Variants in AZIN1 observed in about 807,000 individuals in gnomAD.
The protein encoded by AZIN1 is antizyme inhibitor 1.
Under a neutral mutation model 47.4 loss-of-function variants are expected in AZIN1, and 12 were observed. That is an observed-to-expected ratio of 0.25 (90% CI 0.16 to 0.41). The LOEUF is 0.41. Ranked by LOEUF, AZIN1 falls within the 10% of genes least tolerant of loss-of-function variation. The pLI is 1.00. For missense variants in AZIN1, 410 were observed against 532.4 expected, an observed-to-expected ratio of 0.77 and a Z score of 2.26; for synonymous variants, 155 against 176.3, an observed-to-expected ratio of 0.88 and a Z score of 0.96.
intron 2 of AZIN1, among the ~76,000 whole-genome samples, chr8:102,849,420 A>G (rs1400000223): frequency 6.6e-6 from 1 of 152,230 alleles, no homozygotes; most frequent in Non-Finnish European, 1.5e-5. Context: ...CTGAGTGGAA[A>G]TAATTCCCAA....
chr8:102,859,322 C>T (rs1367948718), intron 1 of AZIN1: 1 of 152,156 alleles, frequency 6.6e-6, no homozygotes, highest in African/African-American at 2.4e-5. Flanking sequence ...GGGGACAGAT[C>T]ATTCTCAATT....
rs142723729 is a variant in AZIN1, at chr8:102,828,578, C to T, written c.1336G>A (p.Ala446Thr). 49 of 1,605,192 alleles carry T rather than the reference C, an allele frequency of 3.1e-5. No individual in the cohort carries two copies. The highest frequency in any genetic ancestry group is 3.3e-4 in the Middle Eastern group (2 of 6,026). ...IQLSQEDSFS[A>T]EA ...GCGTTAATGCCTGTTTAAGCTTCAG[C>T]GGAAAAGCTGTCTTCTTGGCTCAGC... The change falls in exon 12 of 12, where the codon GCT becomes ACT. Residue 446 changes from alanine to threonine, a missense_variant. This residue lies in a region of AZIN1 where 168 missense variants were observed against 198.3 expected (regional missense o/e 0.85). Coordinates refer to ENST00000337198, the MANE Select transcript of AZIN1 (RefSeq NM_148174.4).
intron 1 of AZIN1, among the ~76,000 whole-genome samples, chr8:102,860,130 C>T (rs1413300489): frequency 6.6e-6 from 1 of 152,066 alleles, no homozygotes; most frequent in Admixed American, 6.5e-5. Flanking sequence ...GGAGAAAAGG[C>T]AGTATGGAAA....
rs1226982221 is a variant in AZIN1, at chr8:102,834,711, T to C, written c.621A>G (p.Val207=). The C allele has an allele frequency of 6.2e-6, 10 of 1,612,304 alleles. No homozygotes were observed. Among genetic ancestry groups the C allele is most frequent in the Non-Finnish European group, 8.5e-6 (10 of 1,179,084 alleles). Residue 207 remains valine (V), a synonymous_variant, in exon 7 of 12, where the codon GTA becomes GTG. Coordinates refer to ENST00000337198, the MANE Select transcript of AZIN1 (RefSeq NM_148174.4). ...HVSSACKESQ[V]YVHALSDARC... ...GAGCATCAGATAGAGCATGTACATA[T>C]ACTTGAGATTCTTTGCAAGCACTCG...
chr8:102,857,632 C>A (rs932556294), intron 2 of AZIN1, among the ~76,000 whole-genome samples: 1 of 151,986 alleles, frequency 6.6e-6, no homozygotes, highest in South Asian at 2.1e-4. Context: ...CTATCTATCT[C>A]TATCATCTTT....
intron 8 of AZIN1, 81 bp downstream of exon 8, chr8:102,834,108 A>C: frequency 8.5e-7 from 1 of 1,172,288 alleles, no homozygotes; most frequent in Non-Finnish European, 1.3e-6. Flanking sequence ...CTGCCATTGT[A>C]AAAATCCTGC....
rs545983708 is a variant in AZIN1, at chr8:102,827,312, T to A, written c.*1255A>T. The A allele has an allele frequency of 6.6e-6, 1 of 152,354 alleles. No homozygotes were observed. Among genetic ancestry groups the A allele is most frequent in the East Asian group, 1.9e-4 (1 of 5,194 alleles). The allele number at this position is 152,354 out of a possible 1,614,324, so 9.4% of individuals were successfully genotyped here. A position where few individuals can be genotyped will look rare whatever the true frequency, so the allele number is the denominator to read the frequency against. On this transcript the variant is annotated 3_prime_UTR_variant, in exon 12 of 12. Transcript: ENST00000337198. ...CTGGCAACAACTGTCAGGTTAGTGA[T>A]GCTAACTCCCTTCCCCCAACCACCA...
intron 9 of AZIN1, among the ~76,000 whole-genome samples, chr8:102,832,222 G>A (rs999187247): frequency 2.0e-5 from 3 of 151,990 alleles, no homozygotes; most frequent in Admixed American, 2.0e-4. Context: ...ATGTGGTCCT[G>A]GACTGGATTC....
intron 10 of AZIN1, 147 bp from the exon 11 acceptor site, chr8:102,829,633 G>A (rs2304346): frequency 0.45 from 370,408 of 830,772 alleles, 84,312 homozygotes; most frequent in Admixed American, 0.51. Context: ...CTTAAGCCTC[G>A]ATGGTACCAT....
chr8:102,847,484 CAACA>C (rs1484587729), intron 2 of AZIN1, among the ~76,000 whole-genome samples: 1 of 151,784 alleles, frequency 6.6e-6, no homozygotes, highest in Non-Finnish European at 1.5e-5. Flanking sequence ...AAAGACTTCA[CAACA>C]AACAGTGGGG....
chr8:102,860,105 G>T (rs1274058827), intron 1 of AZIN1, among the ~76,000 whole-genome samples: 1 of 152,212 alleles, frequency 6.6e-6, no homozygotes, highest in African/African-American at 2.4e-5. Context: ...AGAAGGACTT[G>T]TTAAATGGAA....
intron 2 of AZIN1, 127 bp from the exon 3 acceptor site, chr8:102,843,874 A>G (rs1283932767): frequency 9.1e-6 from 6 of 658,992 alleles, no homozygotes; most frequent in Non-Finnish European, 1.4e-5. Context: ...CAGAAACATC[A>G]GATTATTAAT....
intron 2 of AZIN1, among the ~76,000 whole-genome samples, chr8:102,850,347 A>AT (rs948581677): frequency 9.8e-5 from 15 of 152,350 alleles, no homozygotes; most frequent in Middle Eastern, 3.4e-3. Flanking sequence ...TTACATAGGC[A>AT]TTTGATGACT....
upstream of AZIN1, chr8:102,864,171 C>G (rs1471530467): frequency 5.5e-6 from 1 of 181,782 alleles, no homozygotes; most frequent in East Asian, 1.9e-4. Context: ...TGTGAGAAGG[C>G]GGCGCCAGCG....
At position 102,829,198 on chromosome 8, in the gene AZIN1, A is replaced by G. The variant is rs972576398; in HGVS notation, c.1235+74T>C. The G allele has an allele frequency of 1.3e-5, 16 of 1,274,102 alleles. No homozygotes were observed. The African/African-American group carries it at 1.9e-4, about 15-fold the overall frequency. 78.9% of individuals were successfully genotyped at this position (1,274,102 alleles called of 1,614,324 possible). A position where few individuals can be genotyped will look rare whatever the true frequency, so the allele number is the denominator to read the frequency against. On this transcript the variant is annotated intron_variant, in intron 11 of 11. Transcript: ENST00000337198. ...TACTTCTAAGTTTAGCATTCATTAC[A>G]GAATTAAAACTTATTAGCAAGTCTA...
chr8:102,829,513 T>C, intron 10 of AZIN1, 27 bp from the exon 11 acceptor site: 1 of 1,561,926 alleles, frequency 6.4e-7, no homozygotes, highest in Non-Finnish European at 8.8e-7. Context: ...ACAATTTAAT[T>C]TTTACTCATA....
intron 1 of AZIN1, among the ~76,000 whole-genome samples, chr8:102,860,485 G>A (rs966438871): frequency 1.6e-4 from 24 of 151,928 alleles, no homozygotes; most frequent in Admixed American, 1.4e-3. Flanking sequence ...GGCTGGTCTC[G>A]AACTCCTGAC....
intron 1 of AZIN1, among the ~76,000 whole-genome samples, chr8:102,863,114 C>G (rs1057035680): frequency 1.3e-5 from 2 of 152,236 alleles, no homozygotes; most frequent in Admixed American, 6.5e-5. Context: ...AGCCTCGAGG[C>G]TTCCAGAAGG....
chr8:102,857,222 C>T (rs1813349009), intron 2 of AZIN1, among the ~76,000 whole-genome samples: 1 of 152,174 alleles, frequency 6.6e-6, no homozygotes, highest in African/African-American at 2.4e-5. Context: ...TTAGAGCAAA[C>T]ACTTTTATCG....
Sources: gnomAD v4.1 joint callset for allele counts (sites outside exome capture counted in the v4.1 genomes callset) on GRCh38, gnomAD v4.1.1 for gene constraint, gnomAD v4.1.1 regional missense constraint, MANE v1.5 for transcripts, NCBI Gene and HGNC (gene_info 2026-07-23, HGNC 2026-07-21) for gene names.